CWH43: variants seen among roughly 807,000 people sequenced by gnomAD.
The protein encoded by CWH43 is cell wall biogenesis 43 C-terminal homolog.
Under a neutral mutation model 85.7 loss-of-function variants are expected in CWH43, and 91 were observed. The ratio of observed to expected loss-of-function variants is 1.06; its 90% CI spans 0.90 to 1.26. The LOEUF (loss-of-function observed/expected upper bound fraction) is 1.26. CWH43 is among the 50% of genes most tolerant of loss of function. The pLI, the probability that CWH43 is intolerant of heterozygous loss-of-function variation, is 0.00. For missense variants in CWH43, 869 were observed against 839.2 expected, an observed-to-expected ratio of 1.04 and a Z score of -0.44; for synonymous variants, 323 against 293.6, an observed-to-expected ratio of 1.10 and a Z score of -1.02.
chr4:49,027,269 A>C (rs1457817654), intron 9 of CWH43, among the ~76,000 whole-genome samples: 2 of 152,162 alleles, frequency 1.3e-5, no homozygotes, highest in African/African-American at 4.8e-5. Context: ...ATTGGCTGAG[A>C]GGGTAGATGT....
rs115112583 is a variant in CWH43, at chr4:48,995,195, T to G, written c.713+375T>G. Among the ~76,000 whole-genome samples the G allele has an allele frequency of 2.9e-3, 434 of 152,234 alleles. 4 individuals are homozygous for G. The highest frequency in any genetic ancestry group is 9.8e-3 in the African/African-American group (406 of 41,534). ...CCCTCTGGTTATGGTTATGGGCATT[T>G]AGTAGGATAAGACCACAGTCCCCTG... On this transcript the variant is annotated intron_variant, in intron 5 of 15. Transcript: ENST00000226432.
rs553006583 is a variant in CWH43 at position 49,061,802 on chromosome 4, AT to A, written c.2022-3del. 6 of 1,364,374 alleles carry A rather than the reference AT, an allele frequency of 4.4e-6. No homozygotes were observed. The highest frequency in any genetic ancestry group is 3.0e-5 in the South Asian group (2 of 67,168). 84.5% of individuals were successfully genotyped at this position (1,364,374 alleles called of 1,614,324 possible). On this transcript the variant is annotated splice_polypyrimidine_tract_variant and intron_variant, in intron 15 of 15. Coordinates refer to ENST00000226432, the MANE Select transcript of CWH43 (RefSeq NM_025087.3). ...GCCAATAACTTTTTATTTATTTTTT[AT>A]TTTTTTAGATTTGGATCCTACAAAG...
chr4:49,024,080 T>A (rs147230289), intron 9 of CWH43, among the ~76,000 whole-genome samples: 57 of 152,342 alleles, frequency 3.7e-4, no homozygotes, highest in Admixed American at 5.9e-4. Context: ...GGACTAGTCC[T>A]TTTATCGTTA....
chr4:48,990,901 G>C (rs1337996862), intron 2 of CWH43, among the ~76,000 whole-genome samples: 1 of 152,138 alleles, frequency 6.6e-6, no homozygotes, highest in African/African-American at 2.4e-5. Context: ...CTGATACATG[G>C]ATAAACAAAA....
At chr4:49,029,464 C>G (rs1480730266) in intron 10 of CWH43, among the ~76,000 whole-genome samples, 1 of 152,198 alleles carries the variant, frequency 6.6e-6, no homozygotes, top group Non-Finnish European at 1.5e-5. Flanking sequence ...CTGAGACTGC[C>G]TGAGATATGG....
chr4:49,007,256 T>A lies in CWH43; in HGVS notation c.1116T>A (p.Leu372=), dbSNP rs1406935368. The A allele has an allele frequency of 6.2e-7, 1 of 1,611,840 alleles. No homozygotes were observed. The highest frequency in any genetic ancestry group is 1.3e-5 in the African/African-American group (1 of 74,870). ...TGCTATTTGGTCCTAAGAAAAACCT[T>A]GACTTGCTTCTTCAAACAAAAAACA... ...LNMLFGPKKN[L]DLLLQTKNSS... The change falls in exon 8 of 16, where the codon CTT becomes CTA. Residue 372 remains leucine, a synonymous_variant. Transcript: ENST00000226432.
chr4:48,986,395 G>C lies in CWH43; in HGVS notation c.-35G>C. On this transcript the variant is annotated 5_prime_UTR_variant, in exon 1 of 16. Coordinates refer to ENST00000226432, the MANE Select transcript of CWH43 (RefSeq NM_025087.3). Reference sequence around the variant, plus strand: ...CTAGGGCAGCGGGCCCGACCCGCACGGCTTTCCTGGAAAGCGCTGCCCCTC... The same window carrying C: ...CTAGGGCAGCGGGCCCGACCCGCACCGCTTTCCTGGAAAGCGCTGCCCCTC... 3.9e-6 allele frequency: 6 copies of C among 1,545,842 alleles called. No individual in the cohort carries two copies. Among genetic ancestry groups the C allele is most frequent in the Non-Finnish European group, 5.2e-6 (6 of 1,144,690 alleles).
Position 49,035,405 on chromosome 4 carries a change from A to G in CWH43, c.1659-2631A>G, listed in dbSNP as rs1256786682. Among the ~76,000 whole-genome samples, 8 of 152,220 alleles carry G rather than the reference A, an allele frequency of 5.3e-5. No individual in the cohort carries two copies. In the South Asian group the frequency reaches 1.4e-3, roughly 28 times the overall value. Reference sequence around the variant, plus strand: ...AAACACCATAATGAAAATTGATATTATTTTAGGTAATTAACTGAGCCACTA... The same window carrying G: ...AAACACCATAATGAAAATTGATATTGTTTTAGGTAATTAACTGAGCCACTA... On this transcript the variant is annotated intron_variant, in intron 12 of 15. Coordinates refer to ENST00000226432, the MANE Select transcript of CWH43 (RefSeq NM_025087.3).
chr4:49,048,121 G>T (rs967074730), intron 14 of CWH43, among the ~76,000 whole-genome samples: 9 of 152,116 alleles, frequency 5.9e-5, no homozygotes, highest in Non-Finnish European at 1.3e-4. Flanking sequence ...TCTAGAAAAC[G>T]ACTTTTCATA....
At position 49,047,605 on chromosome 4, in the gene CWH43, G is replaced by A. The variant is rs530236080; in HGVS notation, c.1865+2758G>A. On this transcript the variant is annotated intron_variant, in intron 14 of 15. Transcript: ENST00000226432. ...TACCTCCTGGTAGAGGGCTGAGCTA[G>A]TGCAAAAGCCCCAGTGCAGGAGTGC... is the stretch of plus-strand genomic sequence containing the variant. 1.8e-3 allele frequency among the ~76,000 whole-genome samples: 278 copies of A among 152,228 alleles called. 1 individual carries two copies. The highest frequency in any genetic ancestry group is 0.017 in the Middle Eastern group (5 of 294).
At chr4:49,047,233 C>T (rs139359063) in intron 14 of CWH43, among the ~76,000 whole-genome samples, 67 of 152,256 alleles carry the variant, frequency 4.4e-4, no homozygotes, top group African/African-American at 1.5e-3. Context: ...AATTATAGTC[C>T]AGTGAAAGCA....
chr4:48,988,780 T>G (rs568150836), intron 2 of CWH43, 112 bp downstream of exon 2: 2 of 688,444 alleles, frequency 2.9e-6, no homozygotes, highest in Non-Finnish European at 4.5e-6. Context: ...ATCAAAGATT[T>G]CTCTTTTCCT....
intron 6 of CWH43, among the ~76,000 whole-genome samples, chr4:49,002,740 C>A (rs1464422469): frequency 6.6e-6 from 1 of 152,052 alleles, no homozygotes; most frequent in East Asian, 1.9e-4. Flanking sequence ...GAGAGATGTT[C>A]TTTTTGAAGT....
intron 11 of CWH43, 99 bp from the exon 12 acceptor site, chr4:49,032,467 G>A: frequency 7.7e-7 from 1 of 1,303,128 alleles, no homozygotes; most frequent in Non-Finnish European, 1.1e-6. Flanking sequence ...TGGGATGTGT[G>A]CAGTGGGACA....
intron 8 of CWH43, chr4:49,016,898 G>T (rs1013912133): frequency 2.5e-6 from 2 of 784,336 alleles, no homozygotes; most frequent in East Asian, 4.9e-5. Context: ...ACGTAGCTCT[G>T]CAGTCTTTGA....
At chr4:49,059,158 T>C (rs1246163998) in intron 15 of CWH43, among the ~76,000 whole-genome samples, 1 of 152,194 alleles carries the variant, frequency 6.6e-6, no homozygotes, top group African/African-American at 2.4e-5. Flanking sequence ...TCATTCTTTT[T>C]TCTATGACTC....
chr4:49,055,838 C>T (rs1475312827), intron 15 of CWH43, among the ~76,000 whole-genome samples: 1 of 152,080 alleles, frequency 6.6e-6, no homozygotes, highest in Non-Finnish European at 1.5e-5. Context: ...CTCAGGTGAT[C>T]TGCCTGCCTT....
At chr4:49,003,619 G>A (rs979604766) in intron 6 of CWH43, 116 bp from the exon 7 acceptor site, 2 of 964,436 alleles carry the variant, frequency 2.1e-6, no homozygotes, top group African/African-American at 3.3e-5. Context: ...TTTCTCATCT[G>A]TCTGGAGATT....
intron 15 of CWH43, 58 bp from the exon 16 acceptor site, chr4:49,061,754 A>G: frequency 2.5e-6 from 3 of 1,216,766 alleles, no homozygotes; most frequent in Non-Finnish European, 3.2e-6. Flanking sequence ...ATAAGAACAT[A>G]CCTTTCTGAA....
Sources: gnomAD v4.1 joint callset for allele counts (sites outside exome capture counted in the v4.1 genomes callset) on GRCh38, gnomAD v4.1.1 for gene constraint, MANE v1.5 for transcripts, NCBI Gene and HGNC (gene_info 2026-07-23, HGNC 2026-07-21) for gene names.